MAML2: variants seen among roughly 807,000 people sequenced by gnomAD.
MAML2 encodes mastermind like transcriptional coactivator 2.
A neutral mutation model predicts 96.1 loss-of-function variants in MAML2; 22 were observed. The ratio of observed to expected loss-of-function variants is 0.23; its 90% CI spans 0.16 to 0.33. The LOEUF is 0.33. Ranked by LOEUF, MAML2 falls within the 10% of genes least tolerant of loss-of-function variation. MAML2 has a pLI of 1.00. For synonymous variants in MAML2, 561 were observed against 521.3 expected (o/e 1.08, Z -1.04); for missense variants, 1,367 against 1,392.4 (o/e 0.98, Z 0.29).
intron 1 of MAML2, among the ~76,000 whole-genome samples, chr11:96,209,226 T>G (rs980355929): frequency 1.0e-4 from 11 of 107,488 alleles, no homozygotes; most frequent in African/African-American, 4.0e-4. Context: ...GTAACTTTTT[T>G]TGGGTGGGGG....
intron 4 of MAML2, among the ~76,000 whole-genome samples, chr11:95,984,856 G>A (rs1857800744): frequency 6.6e-6 from 1 of 152,174 alleles, no homozygotes; most frequent in African/African-American, 2.4e-5. Context: ...GTTTTGGGCA[G>A]AAGCGTATTG....
intron 1 of MAML2, among the ~76,000 whole-genome samples, chr11:96,323,816 T>A (rs1158162580): frequency 1.3e-5 from 2 of 152,334 alleles, no homozygotes; most frequent in South Asian, 2.1e-4. Context: ...TTTCCCATCA[T>A]GCGTAGGTAT....
intron 1 of MAML2, among the ~76,000 whole-genome samples, chr11:96,189,253 C>T (rs1423311349): frequency 6.6e-6 from 1 of 152,088 alleles, no homozygotes; most frequent in Non-Finnish European, 1.5e-5. Flanking sequence ...CCAATAGGAC[C>T]TAATCTGACT....
intron 2 of MAML2, among the ~76,000 whole-genome samples, chr11:95,994,904 A>G (rs1857969218): frequency 6.6e-6 from 1 of 152,152 alleles, no homozygotes; most frequent in African/African-American, 2.4e-5. Flanking sequence ...CTTGGTTCAT[A>G]CCCCAGTTCT....
intron 3 of MAML2, among the ~76,000 whole-genome samples, chr11:95,987,363 A>G (rs1052006342): frequency 1.4e-4 from 22 of 152,212 alleles, no homozygotes; most frequent in African/African-American, 5.3e-4. Flanking sequence ...TGTGAGTATC[A>G]TATCAGCTTT....
At chr11:96,015,107 T>C (rs984521545) in intron 2 of MAML2, among the ~76,000 whole-genome samples, 2 of 152,204 alleles carry the variant, frequency 1.3e-5, no homozygotes, top group Non-Finnish European at 2.9e-5. Flanking sequence ...GCCAAAAGTC[T>C]ATCTCAGGCA....
chr11:96,155,509 A>AATACATATATATATATATATATATATAT (rs541216405), intron 1 of MAML2, among the ~76,000 whole-genome samples: 1 of 74,848 alleles, frequency 1.3e-5, no homozygotes, highest in Non-Finnish European at 2.5e-5. Context: ...TAACAATTCA[A>AATACATATATATATATATATATATATAT]ATATATATAT....
chr11:96,028,843 A>G (rs956259185), intron 2 of MAML2, among the ~76,000 whole-genome samples: 1 of 152,208 alleles, frequency 6.6e-6, no homozygotes. Context: ...AACACATAAT[A>G]ATTTTCCAGG....
At chr11:96,335,410 C>A (rs1370433872) in intron 1 of MAML2, among the ~76,000 whole-genome samples, 1 of 152,154 alleles carries the variant, frequency 6.6e-6, no homozygotes, top group Non-Finnish European at 1.5e-5. Context: ...ACTGGAAGGC[C>A]CAGTGAACCT....
intron 1 of MAML2, among the ~76,000 whole-genome samples, chr11:96,095,724 T>C (rs1859814591): frequency 1.3e-5 from 2 of 152,224 alleles, no homozygotes; most frequent in Admixed American, 6.5e-5. Context: ...ATCTTTATAA[T>C]GAATTTCCCT....
At chr11:96,097,267 A>G (rs1331802016) in intron 1 of MAML2, among the ~76,000 whole-genome samples, 7 of 152,254 alleles carry the variant, frequency 4.6e-5, no homozygotes, top group African/African-American at 7.2e-5. Context: ...TTCAAAGCCA[A>G]CTTACCAGAA....
intron 1 of MAML2, among the ~76,000 whole-genome samples, chr11:96,215,741 C>T (rs1025592028): frequency 1.3e-5 from 2 of 152,068 alleles, no homozygotes; most frequent in Admixed American, 1.3e-4. Context: ...GCAGCCACCC[C>T]CCTCGGGTGC....
chr11:96,225,480 C>G (rs752141325), intron 1 of MAML2, among the ~76,000 whole-genome samples: 1 of 152,160 alleles, frequency 6.6e-6, no homozygotes, highest in Non-Finnish European at 1.5e-5. Flanking sequence ...ATTCCTGACT[C>G]TTAGAAAGCA....
chr11:96,034,008 AT>A (rs1267490429), intron 2 of MAML2, among the ~76,000 whole-genome samples: 17 of 152,084 alleles, frequency 1.1e-4, no homozygotes, highest in Non-Finnish European at 2.2e-4. Flanking sequence ...CTTTCCTATT[AT>A]TTTTATCCCC....
rs1462597030 is a variant in MAML2 at position 96,092,945 on chromosome 11, T to C, written c.1086A>G (p.Ile362Met). 2 of 1,612,338 alleles carry C rather than the reference T, an allele frequency of 1.2e-6. No homozygotes were observed. Among genetic ancestry groups the C allele is most frequent in the South Asian group, 2.2e-5 (2 of 90,780 alleles). ...CCGGTGAGTATTCACTTTTGATCAC[T>C]ATTTTCTCCATGGGTAAGGAGGGCC... is the stretch of plus-strand genomic sequence containing the variant. ...TPRPSLPMEK[I>M]VIKSEYSPGL... Residue 362 changes from isoleucine (I) to methionine (M), a missense_variant, in exon 2 of 5, where the codon ATA (isoleucine) becomes ATG (methionine). Transcript: ENST00000524717. This position sits in a 1 kb window ranked among gnomAD's most constrained non-coding sequence, Gnocchi z 4.1.
chr11:96,336,991 A>T (rs186519997), intron 1 of MAML2, among the ~76,000 whole-genome samples: 2 of 152,232 alleles, frequency 1.3e-5, no homozygotes, highest in Admixed American at 1.3e-4. Context: ...ACATGATAAC[A>T]TCACCTTGAT....
intron 1 of MAML2, among the ~76,000 whole-genome samples, chr11:96,185,311 C>G (rs1187211584): frequency 6.6e-6 from 1 of 152,170 alleles, no homozygotes; most frequent in African/African-American, 2.4e-5. Context: ...TAAAACCAGT[C>G]TGCTTTCTCT....
At chr11:96,203,964 G>T (rs751730373) in intron 1 of MAML2, among the ~76,000 whole-genome samples, 40 of 152,262 alleles carry the variant, frequency 2.6e-4, no homozygotes, top group Admixed American at 3.9e-4. Context: ...TTCATGAAGG[G>T]GTTAAGGACT....
At chr11:96,170,074 G>A (rs577499499) in intron 1 of MAML2, among the ~76,000 whole-genome samples, 6 of 152,332 alleles carry the variant, frequency 3.9e-5, no homozygotes, top group African/African-American at 1.4e-4. Flanking sequence ...TTGGTTTCAA[G>A]AGGATACAGG....
Sources: allele counts gnomAD v4.1 joint callset (sites outside exome capture counted in the v4.1 genomes callset), GRCh38; gene constraint gnomAD v4.1.1; non-coding constraint Gnocchi (gnomAD v3.1); transcripts MANE v1.5; gene names NCBI Gene and HGNC (gene_info 2026-07-23, HGNC 2026-07-21).